KAZN: variants seen among roughly 807,000 people sequenced by gnomAD.
KAZN encodes the protein kazrin.
In KAZN, 40 loss-of-function variants were observed where a neutral mutation model predicts 87.4. That is an observed-to-expected ratio of 0.46 (90% confidence interval 0.36 to 0.60). KAZN has a LOEUF of 0.60. Among genes scored for constraint, KAZN ranks in the 20% least tolerant of loss-of-function variants. The probability of loss-of-function intolerance (pLI) is 0.00; values close to 1 mark genes in which losing one functional copy is unlikely to be tolerated. For synonymous variants in KAZN, 466 were observed against 458.3 expected (o/e 1.02, Z -0.22); for missense variants, 898 against 1,073.9 (o/e 0.84, Z 2.29).
At chr1:14,117,066 G>T (rs140210437) in intron 1 of KAZN, among the ~76,000 whole-genome samples, 1 of 152,208 alleles carries the variant, frequency 6.6e-6, no homozygotes, top group Non-Finnish European at 1.5e-5. Flanking sequence ...AGGTGCAAGG[G>T]ACTTGCCTTG....
At chr1:15,050,227 C>A (rs142711298) in intron 4 of KAZN, among the ~76,000 whole-genome samples, 13 of 133,992 alleles carry the variant, frequency 9.7e-5, no homozygotes, top group African/African-American at 3.5e-4. Flanking sequence ...ATAGAACCTT[C>A]CCCCTAGAGT....
chr1:14,241,181 C>T (rs1412276297), intron 2 of KAZN, among the ~76,000 whole-genome samples: 3 of 152,192 alleles, frequency 2.0e-5, no homozygotes, highest in African/African-American at 4.8e-5. Context: ...GGGGCAGCCT[C>T]TTTTGTCTCC....
intron 2 of KAZN, among the ~76,000 whole-genome samples, chr1:14,348,152 G>A (rs1258687755): frequency 6.7e-6 from 1 of 148,700 alleles, no homozygotes; most frequent in Non-Finnish European, 1.5e-5. Flanking sequence ...CTGAATTCAA[G>A]TGATGCTCCT....
rs374960405 is a variant in KAZN at position 14,845,718 on chromosome 1, T to C, written c.227-114966T>C. 9.3e-4 allele frequency among the ~76,000 whole-genome samples: 141 copies of C among 152,214 alleles called. No homozygotes were observed. In the Middle Eastern group the frequency reaches 0.01, roughly 11 times the overall value. On this transcript the variant is annotated intron_variant, in intron 1 of 14. Transcript: ENST00000376030. ...GGTAATAGGTGCTCTTCAAGAGGTA[T>C]GTGTTGGTCTAGGTCCTCTATGGAG... is the stretch of plus-strand genomic sequence containing the variant.
intron 4 of KAZN, among the ~76,000 whole-genome samples, chr1:15,053,575 G>A (rs780870907): frequency 2.0e-5 from 3 of 152,182 alleles, no homozygotes; most frequent in South Asian, 2.1e-4. Context: ...CATCATTTGC[G>A]CTGGTTGTTT....
At chr1:14,089,307 T>C (rs1271596991) in intron 1 of KAZN, among the ~76,000 whole-genome samples, 1 of 152,120 alleles carries the variant, frequency 6.6e-6, no homozygotes, top group Non-Finnish European at 1.5e-5. Flanking sequence ...ACTGATATGG[T>C]TGTATTTAAA....
At chr1:14,031,295 A>G (rs1641318166) in intron 1 of KAZN, among the ~76,000 whole-genome samples, 1 of 152,248 alleles carries the variant, frequency 6.6e-6, no homozygotes, top group African/African-American at 2.4e-5. Context: ...AATGATTAGT[A>G]GTACAGGCAG....
chr1:14,517,037 C>G (rs1440303799), intron 2 of KAZN, among the ~76,000 whole-genome samples: 1 of 152,028 alleles, frequency 6.6e-6, no homozygotes, highest in Non-Finnish European at 1.5e-5. Flanking sequence ...TGGCAGGTCA[C>G]AGTGGTTTAG....
chr1:14,708,599 A>G (rs1423229331), intron 1 of KAZN, among the ~76,000 whole-genome samples: 1 of 152,144 alleles, frequency 6.6e-6, no homozygotes, highest in East Asian at 1.9e-4. Context: ...GAGCTACACA[A>G]AGGTACTTTT....
chr1:14,897,920 G>C (rs1655440038), intron 1 of KAZN, among the ~76,000 whole-genome samples: 1 of 152,202 alleles, frequency 6.6e-6, no homozygotes, highest in Non-Finnish European at 1.5e-5. Context: ...ATCAGACTCT[G>C]TGAACTCCAT....
At chr1:14,294,237 CA>C (rs1653942441) in intron 2 of KAZN, among the ~76,000 whole-genome samples, 1 of 152,136 alleles carries the variant, frequency 6.6e-6, no homozygotes, top group African/African-American at 2.4e-5. Context: ...GATGCATCTC[CA>C]AAACAGAAGC....
At chr1:14,167,372 T>C (rs1645852953) in intron 1 of KAZN, among the ~76,000 whole-genome samples, 1 of 152,182 alleles carries the variant, frequency 6.6e-6, no homozygotes, top group South Asian at 2.1e-4. Context: ...CATCTCTATC[T>C]GGCGTGGGTT....
chr1:13,980,300 CTAAGTATAAATATACTAGTCAAAT>C (rs1272847885), intron 1 of KAZN, among the ~76,000 whole-genome samples: 2 of 152,096 alleles, frequency 1.3e-5, no homozygotes, highest in Admixed American at 6.5e-5. Context: ...AAGAATTACA[CTAAGTATAAATATACTAGTCAAAT>C]TAACAGCAAA....
In KAZN at chr1:14,000,453, T is replaced by C. The variant is rs1639733369; in HGVS notation, c.91+106697T>C. ...GGAAGCGAAGACAAAAACTACATGA[T>C]TATTTCAATAGAGGCAGGCAGAAAA... On this transcript the variant is annotated intron_variant, in intron 1 of 16. Coordinates refer to the KAZN transcript ENST00000636203. Among the ~76,000 whole-genome samples the C allele has an allele frequency of 2.0e-5, 3 of 152,226 alleles. No homozygotes were observed. The South Asian group carries it at 6.2e-4, about 31-fold the overall frequency.
At chr1:14,857,095 C>T (rs1650209573) in intron 1 of KAZN, among the ~76,000 whole-genome samples, 1 of 152,160 alleles carries the variant, frequency 6.6e-6, no homozygotes, top group East Asian at 1.9e-4. Context: ...TTGGACTCGG[C>T]GTCAGGTTAC....
intron 1 of KAZN, among the ~76,000 whole-genome samples, chr1:14,687,925 T>C (rs1376640014): frequency 1.3e-5 from 2 of 152,204 alleles, no homozygotes; most frequent in Non-Finnish European, 2.9e-5. Context: ...CACCAGCAAC[T>C]TGTGCTGTGG....
At chr1:14,563,892 TGA>T (rs1674399165) in intron 2 of KAZN, among the ~76,000 whole-genome samples, 1 of 149,604 alleles carries the variant, frequency 6.7e-6, no homozygotes, top group Non-Finnish European at 1.5e-5. Flanking sequence ...TTTTTTTGTC[TGA>T]GACAGAGTCT....
At chr1:14,074,854 C>T (rs888848979) in intron 1 of KAZN, among the ~76,000 whole-genome samples, 2 of 152,160 alleles carry the variant, frequency 1.3e-5, no homozygotes, top group African/African-American at 2.4e-5. Context: ...CTCTGGGCCT[C>T]GATTTTATCA....
At chr1:14,408,715 G>A (rs1354625151) in intron 2 of KAZN, among the ~76,000 whole-genome samples, 1 of 152,184 alleles carries the variant, frequency 6.6e-6, no homozygotes, top group Non-Finnish European at 1.5e-5. Flanking sequence ...CATGTTGGGA[G>A]TTATAGCATC....
Sources: allele counts gnomAD v4.1 joint callset (sites outside exome capture counted in the v4.1 genomes callset), GRCh38; gene constraint gnomAD v4.1.1; transcripts MANE v1.5; gene names NCBI Gene and HGNC (gene_info 2026-07-23, HGNC 2026-07-21).